The following ZDHHC14 variants were observed in gnomAD, a reference collection of about 807,000 sequenced individuals.
ZDHHC14 encodes the protein zDHHC palmitoyltransferase 14.
ZDHHC14 carries 16 observed loss-of-function variants against 47.7 expected under a neutral mutation model. The observed-to-expected ratio is 0.34, with a 90% CI of 0.23 to 0.51. ZDHHC14 has a LOEUF of 0.51. ZDHHC14 is among the 20% of genes least tolerant of loss of function. The pLI is 0.97. For missense variants in ZDHHC14, 515 were observed against 662.5 expected (o/e 0.78, Z 2.44); for synonymous variants, 293 against 278.9 (o/e 1.05, Z -0.50).
At chr6:157,411,863 C>T (rs187781325) in intron 1 of ZDHHC14, among the ~76,000 whole-genome samples, 5 of 151,328 alleles carry the variant, frequency 3.3e-5, no homozygotes, top group East Asian at 3.9e-4. Flanking sequence ...AGTGTGACAT[C>T]GGGAAGGGTG....
At chr6:157,570,417 AAC>A (rs1329332789) in intron 2 of ZDHHC14, among the ~76,000 whole-genome samples, 1 of 152,254 alleles carries the variant, frequency 6.6e-6, no homozygotes, top group East Asian at 1.9e-4. Context: ...ACAAAGTGGA[AAC>A]ACACAAATAT....
At chr6:157,452,905 G>C (rs1158034069) in intron 1 of ZDHHC14, among the ~76,000 whole-genome samples, 1 of 151,706 alleles carries the variant, frequency 6.6e-6, no homozygotes, top group Non-Finnish European at 1.5e-5. Context: ...GGGTTTCACC[G>C]TGTTGGTCAG....
chr6:157,445,196 A>G (rs566801935), intron 1 of ZDHHC14, among the ~76,000 whole-genome samples: 2 of 151,902 alleles, frequency 1.3e-5, no homozygotes, highest in East Asian at 1.9e-4. Flanking sequence ...ATCATTTTAT[A>G]TATATAAAAA....
At chr6:157,615,270 A>G (rs1330084286) in intron 3 of ZDHHC14, among the ~76,000 whole-genome samples, 1 of 152,200 alleles carries the variant, frequency 6.6e-6, no homozygotes, top group East Asian at 1.9e-4. Context: ...AGAAACAAAA[A>G]CAGCACACTG....
chr6:157,420,478 T>C (rs1778074814), intron 1 of ZDHHC14, among the ~76,000 whole-genome samples: 1 of 150,012 alleles, frequency 6.7e-6, no homozygotes, highest in African/African-American at 2.5e-5. Context: ...GGAGAGGAGG[T>C]ATAGTCACTG....
chr6:157,521,447 A>G (rs549554431), intron 1 of ZDHHC14, among the ~76,000 whole-genome samples: 2 of 152,364 alleles, frequency 1.3e-5, no homozygotes, highest in Non-Finnish European at 2.9e-5. Context: ...CACATACAAC[A>G]GAAACTTACT....
intron 5 of ZDHHC14, among the ~76,000 whole-genome samples, chr6:157,644,916 G>A (rs562925751): frequency 2.0e-5 from 3 of 152,228 alleles, no homozygotes; most frequent in South Asian, 2.1e-4. Context: ...CCACACTCTC[G>A]GGTGATGGAT....
chr6:157,442,009 A>G (rs895748028), intron 1 of ZDHHC14, among the ~76,000 whole-genome samples: 1 of 152,240 alleles, frequency 6.6e-6, no homozygotes, highest in Non-Finnish European at 1.5e-5. Context: ...TATTAACTAT[A>G]GAATGGATAT....
chr6:157,427,167 C>T lies in ZDHHC14; in HGVS notation c.245+44901C>T, dbSNP rs988597247. 6.6e-6 allele frequency among the ~76,000 whole-genome samples: 1 copy of T among 151,868 alleles called. No individual in the cohort carries two copies. The highest frequency in any genetic ancestry group is 2.4e-5 in the African/African-American group (1 of 41,310). On this transcript the variant is annotated intron_variant, in intron 1 of 8. Coordinates refer to ENST00000359775, the MANE Select transcript of ZDHHC14 (RefSeq NM_024630.3). This position sits in a 1 kb window ranked among gnomAD's most constrained non-coding sequence, Gnocchi z 4.4. ...GGCGTAGACCTGGAGGGGCATCGGG[C>T]CTGGGAGCACAGGAGGAAGGAGGAA...
At chr6:157,653,304 GC>G (rs1226114818) in intron 7 of ZDHHC14, among the ~76,000 whole-genome samples, 1 of 152,144 alleles carries the variant, frequency 6.6e-6, no homozygotes, top group Non-Finnish European at 1.5e-5. Flanking sequence ...CACGCCCTTG[GC>G]CTGGCGAGGA....
intron 1 of ZDHHC14, among the ~76,000 whole-genome samples, chr6:157,431,441 T>A (rs924553569): frequency 4.6e-5 from 7 of 152,192 alleles, no homozygotes; most frequent in Admixed American, 3.9e-4. Context: ...ATGTCCCATA[T>A]CCAATGCAAG....
intron 7 of ZDHHC14, 71 bp from the exon 8 acceptor site, chr6:157,653,454 C>G: frequency 6.4e-7 from 1 of 1,550,402 alleles, no homozygotes; most frequent in Non-Finnish European, 8.8e-7. Context: ...GACGCGGAAC[C>G]TGAGATAGTG....
At chr6:157,671,756 G>C (rs1778807623) in intron 8 of ZDHHC14, among the ~76,000 whole-genome samples, 2 of 152,234 alleles carry the variant, frequency 1.3e-5, no homozygotes, top group Admixed American at 6.5e-5. Context: ...GACCACAGAG[G>C]CTTCGGGAAT....
At chr6:157,423,095 G>A (rs1314142493) in intron 1 of ZDHHC14, among the ~76,000 whole-genome samples, 1 of 152,208 alleles carries the variant, frequency 6.6e-6, no homozygotes, top group East Asian at 1.9e-4. Flanking sequence ...CCTCAAGGCA[G>A]CTGGCACTTG....
chr6:157,604,148 G>A (rs1052283638), intron 3 of ZDHHC14, among the ~76,000 whole-genome samples: 4 of 152,126 alleles, frequency 2.6e-5, no homozygotes, highest in African/African-American at 4.8e-5. Context: ...TTAGCTAGGC[G>A]TGGTGGCGGG....
chr6:157,521,626 C>G (rs192940878), intron 1 of ZDHHC14, among the ~76,000 whole-genome samples: 191 of 152,348 alleles, frequency 1.3e-3, no homozygotes, highest in African/African-American at 4.4e-3. Context: ...CCATTCATGA[C>G]ATAATCACCT....
At chr6:157,447,559 C>G (rs1778706735) in intron 1 of ZDHHC14, among the ~76,000 whole-genome samples, 2 of 152,076 alleles carry the variant, frequency 1.3e-5, no homozygotes, top group Admixed American at 1.3e-4. Context: ...TGGGCTGTCC[C>G]CTCCAAGTGA....
chr6:157,434,358 C>T (rs17165324), intron 1 of ZDHHC14, among the ~76,000 whole-genome samples: 10,678 of 151,836 alleles, frequency 0.07, 600 homozygotes, highest in African/African-American at 0.16. Context: ...GCCAGCCGGC[C>T]GAGAACACCC....
intron 1 of ZDHHC14, among the ~76,000 whole-genome samples, chr6:157,444,644 C>A (rs1778623668): frequency 2.0e-5 from 3 of 151,446 alleles, no homozygotes; most frequent in Non-Finnish European, 4.4e-5. Context: ...CACCATTGCA[C>A]CCCAGCCTGG....
Sources: gnomAD v4.1 joint callset for allele counts (sites outside exome capture counted in the v4.1 genomes callset) on GRCh38, gnomAD v4.1.1 for gene constraint, Gnocchi (gnomAD v3.1) non-coding constraint, MANE v1.5 for transcripts, NCBI Gene and HGNC (gene_info 2026-07-23, HGNC 2026-07-21) for gene names.